RIMS1: variants seen among roughly 807,000 people sequenced by gnomAD.
RIMS1 encodes the protein regulating synaptic membrane exocytosis protein 1.
A neutral mutation model predicts 214.1 loss-of-function variants in RIMS1; 83 were observed. The ratio of observed to expected loss-of-function variants is 0.39; its 90% CI spans 0.32 to 0.47. RIMS1 has a LOEUF of 0.47. Ranked by LOEUF, RIMS1 falls within the 20% of genes least tolerant of loss-of-function variation. The pLI, the probability that RIMS1 is intolerant of heterozygous loss-of-function variation, is 0.99. For synonymous variants in RIMS1, 793 were observed against 786.8 expected, an observed-to-expected ratio of 1.01 and a Z score of -0.13; for missense variants, 2,050 against 2,161.8, an observed-to-expected ratio of 0.95 and a Z score of 1.03.
chr6:71,947,569 G>A (rs979643554), intron 1 of RIMS1, among the ~76,000 whole-genome samples: 12 of 151,954 alleles, frequency 7.9e-5, no homozygotes, highest in African/African-American at 2.4e-4. Flanking sequence ...GGGAGATGTT[G>A]GTCAAATGAC....
intron 28 of RIMS1, among the ~76,000 whole-genome samples, chr6:72,325,324 TAC>T (rs1298954457): frequency 1.3e-5 from 2 of 151,760 alleles, no homozygotes; most frequent in African/African-American, 2.4e-5. Context: ...GATCATTATT[TAC>T]AGTTTATGTG....
chr6:72,145,470 G>T (rs1411483107), intron 4 of RIMS1, among the ~76,000 whole-genome samples: 1 of 152,020 alleles, frequency 6.6e-6, no homozygotes, highest in East Asian at 1.9e-4. Flanking sequence ...AAATTAGCTG[G>T]GCCTGGTGGC....
rs1195305728 is a variant in RIMS1 at position 72,004,390 on chromosome 6, T to C, written c.245+35327T>C. Among the ~76,000 whole-genome samples the C allele has an allele frequency of 5.3e-5, 8 of 152,226 alleles. No individual in the cohort carries two copies. The East Asian group carries it at 1.5e-3, about 29-fold the overall frequency. ...AGTCCTTTGGGTATATACCCAGTAA[T>C]GGGATGGCTGGGTCAAATGGTATTT... On this transcript the variant is annotated intron_variant, in intron 2 of 33. Transcript: ENST00000521978.
chr6:71,932,015 A>G (rs1433288784), intron 1 of RIMS1, among the ~76,000 whole-genome samples: 3 of 152,116 alleles, frequency 2.0e-5, no homozygotes, highest in Non-Finnish European at 4.4e-5. Context: ...AGGAATGCTT[A>G]TACACTGTTG....
intron 2 of RIMS1, among the ~76,000 whole-genome samples, chr6:71,998,010 A>G (rs1298116203): frequency 6.6e-6 from 1 of 152,080 alleles, no homozygotes; most frequent in African/African-American, 2.4e-5. Flanking sequence ...CATGTCCAGC[A>G]TTGCCAGTAA....
At chr6:71,914,966 A>G (rs1290518340) in intron 1 of RIMS1, among the ~76,000 whole-genome samples, 2 of 152,138 alleles carry the variant, frequency 1.3e-5, no homozygotes, top group Non-Finnish European at 2.9e-5. Flanking sequence ...TACAGTGGAC[A>G]CTCAGCAAAT....
intron 2 of RIMS1, among the ~76,000 whole-genome samples, chr6:72,030,099 T>C (rs893053982): frequency 2.0e-5 from 3 of 152,206 alleles, no homozygotes; most frequent in African/African-American, 7.2e-5. Flanking sequence ...TAGATATGAA[T>C]GTTCTTTAAT....
At chr6:72,103,709 ATGTT>A (rs2034144760) in intron 4 of RIMS1, among the ~76,000 whole-genome samples, 1 of 152,076 alleles carries the variant, frequency 6.6e-6, no homozygotes, top group Admixed American at 6.6e-5. Context: ...TGAAAACTCT[ATGTT>A]TGTCCTTTTG....
chr6:72,104,808 A>AT (rs2034402108), intron 4 of RIMS1, among the ~76,000 whole-genome samples: 1 of 152,104 alleles, frequency 6.6e-6, no homozygotes, highest in African/African-American at 2.4e-5. Context: ...TTAAAAAATA[A>AT]TTTTTATTAG....
rs1417105004 is a variant in RIMS1, at chr6:71,886,870, G to C, written c.-154G>C. The C allele has an allele frequency of 5.9e-5, 37 of 626,882 alleles. No individual in the cohort carries two copies. In the South Asian group the frequency reaches 7.4e-4, roughly 13 times the overall value. The allele number at this position is 626,882 out of a possible 1,614,324, so 38.8% of individuals were successfully genotyped here. A position where few individuals can be genotyped will look rare whatever the true frequency, so the allele number is the denominator to read the frequency against. ...CTGGGTTCTCGCTCTCCCCGGCTCT[G>C]CTGCTGCTGCTGCTGCCGCCGCCGC... On this transcript the variant is annotated 5_prime_UTR_variant, in exon 1 of 34. Coordinates refer to ENST00000521978, the MANE Select transcript of RIMS1 (RefSeq NM_014989.7).
At chr6:72,297,716 T>A (rs2094230154) in intron 26 of RIMS1, among the ~76,000 whole-genome samples, 1 of 151,946 alleles carries the variant, frequency 6.6e-6, no homozygotes, top group South Asian at 2.1e-4. Context: ...CAGGAAGGTA[T>A]AGGTCAGAAA....
At chr6:72,057,631 C>T (rs188924006) in intron 2 of RIMS1, among the ~76,000 whole-genome samples, 4 of 151,944 alleles carry the variant, frequency 2.6e-5, no homozygotes, top group Admixed American at 1.3e-4. Context: ...CTTCAGCCTC[C>T]GGAGTAGCTG....
At chr6:72,019,877 T>G (rs2151931759) in intron 2 of RIMS1, among the ~76,000 whole-genome samples, 1 of 152,254 alleles carries the variant, frequency 6.6e-6, no homozygotes, top group Admixed American at 6.5e-5. Flanking sequence ...TCCAGATAGT[T>G]GGTCCTAATG....
intron 16 of RIMS1, among the ~76,000 whole-genome samples, chr6:72,257,339 A>G (rs1287174669): frequency 1.3e-5 from 2 of 152,084 alleles, no homozygotes; most frequent in Admixed American, 1.3e-4. Context: ...ATCGCAGACA[A>G]TATAAACCTT....
chr6:72,349,120 A>G (rs2154367450), intron 29 of RIMS1, among the ~76,000 whole-genome samples: 1 of 152,108 alleles, frequency 6.6e-6, no homozygotes, highest in East Asian at 1.9e-4. Flanking sequence ...TACTCATTAC[A>G]AAATCATTTA....
At chr6:71,904,654 T>C (rs1225638538) in intron 1 of RIMS1, among the ~76,000 whole-genome samples, 1 of 152,152 alleles carries the variant, frequency 6.6e-6, no homozygotes, top group East Asian at 1.9e-4. Flanking sequence ...AGCTAATATT[T>C]CTTAACTACC....
chr6:72,090,903 A>C (rs1836042942), intron 2 of RIMS1, among the ~76,000 whole-genome samples: 1 of 152,122 alleles, frequency 6.6e-6, no homozygotes, highest in Admixed American at 6.5e-5. Context: ...GGAGGCTCTT[A>C]ATCAGTCCAT....
chr6:71,960,253 A>G (rs1166995332), intron 1 of RIMS1, among the ~76,000 whole-genome samples: 2 of 152,036 alleles, frequency 1.3e-5, no homozygotes, highest in Non-Finnish European at 1.5e-5. Context: ...CTTATGATGG[A>G]GAGACTACAC....
rs538235805 is a variant in RIMS1 at position 72,299,651 on chromosome 6, T to C, written c.3850+7605T>C. Among the ~76,000 whole-genome samples, 113 of 152,004 alleles carry C rather than the reference T, an allele frequency of 7.4e-4. 1 individual carries two copies. The highest frequency in any genetic ancestry group is 2.6e-3 in the African/African-American group (106 of 41,546). On this transcript the variant is annotated intron_variant, in intron 26 of 33. Transcript: ENST00000521978. ...CAAACTATATTTTCCATGAAACTTA[T>C]GAGCATTAACTTTACTTTAGTGGAA...
Sources: gnomAD v4.1 joint callset for allele counts (sites outside exome capture counted in the v4.1 genomes callset) on GRCh38, gnomAD v4.1.1 for gene constraint, MANE v1.5 for transcripts, NCBI Gene and HGNC (gene_info 2026-07-23, HGNC 2026-07-21) for gene names.